The following DGKH variants were observed in gnomAD, a reference collection of about 807,000 sequenced individuals.
DGKH encodes the protein DAG kinase eta.
DGKH carries 90 observed loss-of-function variants against 159.3 expected under a neutral mutation model. The ratio of observed to expected loss-of-function variants is 0.57; its 90% confidence interval spans 0.48 to 0.67. The LOEUF (loss-of-function observed/expected upper bound fraction) is 0.67, where lower values mean the gene tolerates loss of function less well. Among genes scored for constraint, DGKH ranks in the 30% least tolerant of loss-of-function variants. DGKH has a pLI of 0.00. For synonymous variants in DGKH, 536 were observed against 553.8 expected (o/e 0.97, Z 0.45); for missense variants, 1,181 against 1,506.1 (o/e 0.78, Z 3.57).
At chr13:42,089,427 C>A (rs1954371412) in intron 1 of DGKH, among the ~76,000 whole-genome samples, 1 of 152,108 alleles carries the variant, frequency 6.6e-6, no homozygotes, top group Admixed American at 6.5e-5. Context: ...TGGCTTAATA[C>A]AATACAAATT....
chr13:42,230,644 A>G lies in DGKH; in HGVS notation c.*1456A>G, dbSNP rs1026146501. The G allele has an allele frequency of 6.6e-6, 1 of 152,130 alleles. No homozygotes were observed. The highest frequency in any genetic ancestry group is 2.4e-5 in the African/African-American group (1 of 41,444). 9.4% of individuals were successfully genotyped at this position (152,130 alleles called of 1,614,324 possible). A position where few individuals can be genotyped will look rare whatever the true frequency, so the allele number is the denominator to read the frequency against. On this transcript the variant is annotated 3_prime_UTR_variant, in exon 30 of 30. Transcript: ENST00000337343. ...TGAAGTAGCCTGCTAGGTGCTTAAT[A>G]GATATATATACACACAGATATATAC...
intron 3 of DGKH, among the ~76,000 whole-genome samples, chr13:42,146,095 A>G (rs1955721384): frequency 6.6e-6 from 1 of 151,042 alleles, no homozygotes; most frequent in Non-Finnish European, 1.5e-5. Flanking sequence ...GTCAGTACAA[A>G]GCAGTTAATC....
chr13:42,047,181 A>G (rs2137629134), upstream of DGKH, among the ~76,000 whole-genome samples: 1 of 152,356 alleles, frequency 6.6e-6, no homozygotes, highest in African/African-American at 2.4e-5. Context: ...CCTGTCTTTA[A>G]ATATTTGAAC....
chr13:42,223,390 T>C (rs1332515058), intron 29 of DGKH, among the ~76,000 whole-genome samples: 1 of 152,228 alleles, frequency 6.6e-6, no homozygotes, highest in Non-Finnish European at 1.5e-5. Context: ...ACCGGCTACT[T>C]GGTACTCAGG....
intron 29 of DGKH, among the ~76,000 whole-genome samples, 191 bp from the exon 30 acceptor site, chr13:42,228,908 C>G (rs760898232): frequency 2.0e-5 from 3 of 151,868 alleles, no homozygotes; most frequent in Non-Finnish European, 4.4e-5. Context: ...GCTTTCACTT[C>G]CTGAATCACT....
At chr13:42,103,742 G>A (rs950612042) in intron 1 of DGKH, among the ~76,000 whole-genome samples, 2 of 152,160 alleles carry the variant, frequency 1.3e-5, no homozygotes, top group Non-Finnish European at 2.9e-5. Context: ...TAATTAGTAT[G>A]TACTTGCTAA....
chr13:42,060,507 C>A (rs541414152), intron 1 of DGKH, among the ~76,000 whole-genome samples: 2 of 152,128 alleles, frequency 1.3e-5, no homozygotes, highest in Non-Finnish European at 2.9e-5. Flanking sequence ...TACTCATTCC[C>A]GGCCAAATTT....
At chr13:42,167,343 G>C (rs1333304438) in intron 9 of DGKH, among the ~76,000 whole-genome samples, 2 of 152,178 alleles carry the variant, frequency 1.3e-5, no homozygotes, top group Non-Finnish European at 2.9e-5. Context: ...CAGCAACTCA[G>C]CTTTTCTCTT....
At chr13:42,184,807 C>T (rs1339228898) in intron 13 of DGKH, among the ~76,000 whole-genome samples, 1 of 151,682 alleles carries the variant, frequency 6.6e-6, no homozygotes, top group Non-Finnish European at 1.5e-5. Context: ...TTCAGGGATG[C>T]AGTTACCTAT....
At chr13:42,148,673 C>G (rs1955798264) in intron 3 of DGKH, among the ~76,000 whole-genome samples, 1 of 152,182 alleles carries the variant, frequency 6.6e-6, no homozygotes, top group African/African-American at 2.4e-5. Flanking sequence ...TGCTCTGTCA[C>G]TTTTAGGATC....
chr13:42,093,609 A>G (rs1381180227), intron 1 of DGKH, among the ~76,000 whole-genome samples: 2 of 152,258 alleles, frequency 1.3e-5, no homozygotes, highest in Non-Finnish European at 2.9e-5. Flanking sequence ...AAACAACGCA[A>G]GTGCCAATAA....
At chr13:42,078,043 T>A (rs1335475614) in intron 1 of DGKH, among the ~76,000 whole-genome samples, 1 of 152,222 alleles carries the variant, frequency 6.6e-6, no homozygotes, top group Non-Finnish European at 1.5e-5. Context: ...AACATCTTGT[T>A]ATATAGTTGC....
At chr13:42,130,347 C>T (rs1026254091) in intron 3 of DGKH, among the ~76,000 whole-genome samples, 1 of 152,202 alleles carries the variant, frequency 6.6e-6, no homozygotes, top group Non-Finnish European at 1.5e-5. Flanking sequence ...TTCTTCAAAG[C>T]TTATTTCAGA....
chr13:42,254,973 A>AT (rs1363756258), intron 30 of DGKH, among the ~76,000 whole-genome samples: 14 of 152,078 alleles, frequency 9.2e-5, no homozygotes, highest in Non-Finnish European at 4.4e-5. Flanking sequence ...AGATTCTTAC[A>AT]TTGCTAGACA....
chr13:42,241,704 G>A lies in DGKH; in HGVS notation c.*12516G>A, dbSNP rs868757669. On this transcript the variant is annotated 3_prime_UTR_variant, in exon 30 of 30. Transcript: ENST00000337343. ...TCAGAGGCTCCATTTGAAGATGTGC[G>A]TTGATGTTTCCTTGATTATTTTGAA... is the stretch of plus-strand genomic sequence containing the variant. The A allele has an allele frequency of 4.9e-4, 75 of 152,322 alleles. No homozygotes were observed. Among genetic ancestry groups the A allele is most frequent in the African/African-American group, 1.6e-3 (66 of 41,582 alleles). 9.4% of individuals were successfully genotyped at this position (152,322 alleles called of 1,614,324 possible).
rs1260893687 is a variant in DGKH at position 42,230,564 on chromosome 13, A to G, written c.*1376A>G. The G allele has an allele frequency of 6.6e-6, 1 of 152,088 alleles. No individual in the cohort carries two copies. The highest frequency in any genetic ancestry group is 6.6e-5 in the Admixed American group (1 of 15,254). The allele number at this position is 152,088 out of a possible 1,614,324, so 9.4% of individuals were successfully genotyped here. A position where few individuals can be genotyped will look rare whatever the true frequency, so the allele number is the denominator to read the frequency against. On this transcript the variant is annotated 3_prime_UTR_variant, in exon 30 of 30. Transcript: ENST00000337343. ...CCAAAACATTAATTATAATATTTTAAAATTTGTATATAAGAGAAATAAACA... is the reference window on the plus strand; with the variant it reads ...CCAAAACATTAATTATAATATTTTAGAATTTGTATATAAGAGAAATAAACA...
At chr13:42,068,823 C>A in intron 1 of DGKH, 4 of 487,122 alleles carry the variant, frequency 8.2e-6, no homozygotes, top group Non-Finnish European at 6.9e-6. Flanking sequence ...TCATAAAATC[C>A]TTACTAAATG....
rs1255694906 is a variant in DGKH at position 42,067,984 on chromosome 13, T to TA, written c.192+19026dup. Among the ~76,000 whole-genome samples the TA allele has an allele frequency of 2.6e-5, 4 of 151,802 alleles. No homozygotes were observed. The East Asian group carries it at 5.8e-4, about 22-fold the overall frequency. On this transcript the variant is annotated intron_variant, in intron 1 of 29. Coordinates refer to ENST00000337343, the MANE Select transcript of DGKH (RefSeq NM_178009.5). ...CACACAATTCTAACATTCATTTTTT[T>TA]AAAAAAATAAACACAATTAAGACTT...
Position 42,053,376 on chromosome 13 carries a change from CTATA to C in DGKH, c.192+4416_192+4419del, listed in dbSNP as rs1012282414. Among the ~76,000 whole-genome samples the C allele has an allele frequency of 2.2e-4, 32 of 146,598 alleles. 1 individual carries two copies. Among genetic ancestry groups the C allele is most frequent in the African/African-American group, 7.7e-4 (31 of 40,310 alleles). ...ATTATATATATAACTATATATATAA[CTATA>C]TATAACTATATATGTAACTGTATAT... On this transcript the variant is annotated intron_variant, in intron 1 of 29. Coordinates refer to ENST00000337343, the MANE Select transcript of DGKH (RefSeq NM_178009.5).
Sources: allele counts gnomAD v4.1 joint callset (sites outside exome capture counted in the v4.1 genomes callset), GRCh38; gene constraint gnomAD v4.1.1; transcripts MANE v1.5; gene names NCBI Gene and HGNC (gene_info 2026-07-23, HGNC 2026-07-21).